The following PELI2 variants were observed in gnomAD, a reference collection of about 807,000 sequenced individuals.
PELI2 encodes the protein pellino E3 ubiquitin protein ligase family member 2.
Under a neutral mutation model 42.3 loss-of-function variants are expected in PELI2, and 23 were observed. The ratio of observed to expected loss-of-function variants is 0.54; its 90% CI spans 0.39 to 0.77. PELI2 has a LOEUF of 0.77. PELI2 is among the 30% of genes least tolerant of loss of function. The pLI is 0.00. For missense variants in PELI2, 463 were observed against 553.2 expected, an observed-to-expected ratio of 0.84 and a Z score of 1.64; for synonymous variants, 245 against 212.2, an observed-to-expected ratio of 1.15 and a Z score of -1.34.
chr14:56,237,418 A>G (rs1386832738), intron 2 of PELI2, among the ~76,000 whole-genome samples: 1 of 152,154 alleles, frequency 6.6e-6, no homozygotes, highest in Non-Finnish European at 1.5e-5. Context: ...CATTCTACTC[A>G]GACAACTCTA....
chr14:56,229,637 G>A (rs1401938467), intron 2 of PELI2, among the ~76,000 whole-genome samples: 1 of 152,162 alleles, frequency 6.6e-6, no homozygotes, highest in Non-Finnish European at 1.5e-5. Context: ...CAAAAAGATG[G>A]GGAGAAACCA....
intron 2 of PELI2, among the ~76,000 whole-genome samples, chr14:56,263,197 G>C (rs568572736): frequency 6.6e-6 from 1 of 152,230 alleles, no homozygotes; most frequent in South Asian, 2.1e-4. Context: ...CTGACCTCAG[G>C]TGATCCTCCC....
At chr14:56,158,524 T>G (rs1162201291) in intron 1 of PELI2, among the ~76,000 whole-genome samples, 1 of 151,676 alleles carries the variant, frequency 6.6e-6, no homozygotes, top group Non-Finnish European at 1.5e-5. Context: ...ATATTTTATT[T>G]ATTTACTTTT....
At chr14:56,155,009 TTGTTATATTTTTTCTG>T (rs1362376231) in intron 1 of PELI2, among the ~76,000 whole-genome samples, 2 of 152,226 alleles carry the variant, frequency 1.3e-5, no homozygotes, top group Non-Finnish European at 2.9e-5. Context: ...TTGTTAGCCA[TTGTTATATTTTTTCTG>T]TGGATTGTCT....
chr14:56,235,167 A>T (rs912439424), intron 2 of PELI2, among the ~76,000 whole-genome samples: 2 of 152,026 alleles, frequency 1.3e-5, no homozygotes, highest in African/African-American at 4.8e-5. Context: ...GGCAAAAACC[A>T]CAATTTCTTT....
At chr14:56,210,281 G>C (rs926343226) in intron 2 of PELI2, among the ~76,000 whole-genome samples, 1 of 152,162 alleles carries the variant, frequency 6.6e-6, no homozygotes, top group African/African-American at 2.4e-5. Flanking sequence ...AACTTGTGCT[G>C]TTAAGAATTA....
intron 1 of PELI2, among the ~76,000 whole-genome samples, chr14:56,126,992 A>T (rs1385589137): frequency 1.3e-5 from 2 of 152,182 alleles, no homozygotes; most frequent in Non-Finnish European, 2.9e-5. Flanking sequence ...CGGGTTGTTG[A>T]TCATTCTAGT....
chr14:56,285,552 G>C (rs943609448), intron 3 of PELI2, among the ~76,000 whole-genome samples: 9 of 152,130 alleles, frequency 5.9e-5, no homozygotes, highest in Non-Finnish European at 1.0e-4. Flanking sequence ...AAAAGGGAAG[G>C]GGGGACTATT....
intron 1 of PELI2, among the ~76,000 whole-genome samples, chr14:56,142,154 T>C (rs1883936108): frequency 6.6e-6 from 1 of 152,180 alleles, no homozygotes; most frequent in Non-Finnish European, 1.5e-5. Flanking sequence ...GCTCACCCTT[T>C]AAAGTTAAAA....
intron 2 of PELI2, among the ~76,000 whole-genome samples, chr14:56,250,872 G>C (rs964946401): frequency 6.6e-5 from 10 of 152,334 alleles, no homozygotes; most frequent in African/African-American, 2.4e-4. Context: ...GAAAGCCTGT[G>C]CAAGTGATTT....
At chr14:56,188,462 TACG>T (rs1885848522) in intron 2 of PELI2, among the ~76,000 whole-genome samples, 1 of 152,250 alleles carries the variant, frequency 6.6e-6, no homozygotes, top group African/African-American at 2.4e-5. Context: ...TCTCTTATGT[TACG>T]ACATTTCCCT....
At chr14:56,242,675 A>G (rs1039836451) in intron 2 of PELI2, among the ~76,000 whole-genome samples, 1 of 152,252 alleles carries the variant, frequency 6.6e-6, no homozygotes, top group Non-Finnish European at 1.5e-5. Flanking sequence ...CTCAGCCATA[A>G]AAAGGAACAA....
intron 5 of PELI2, chr14:56,292,806 A>G: frequency 3.1e-6 from 3 of 963,738 alleles, no homozygotes; most frequent in Non-Finnish European, 3.7e-6. Context: ...AACTCCCTGA[A>G]TAAATAGGTG....
chr14:56,186,275 T>C (rs963952879), intron 2 of PELI2, among the ~76,000 whole-genome samples: 3 of 152,144 alleles, frequency 2.0e-5, no homozygotes, highest in Non-Finnish European at 4.4e-5. Context: ...AAACAAGGGC[T>C]TCAGTCCTGT....
intron 2 of PELI2, among the ~76,000 whole-genome samples, chr14:56,255,900 G>A (rs1227050588): frequency 6.6e-6 from 1 of 152,186 alleles, no homozygotes; most frequent in African/African-American, 2.4e-5. Context: ...AACATGGCTA[G>A]TCCCTAGTTC....
chr14:56,249,986 A>G (rs1245616936), intron 2 of PELI2, among the ~76,000 whole-genome samples: 1 of 152,214 alleles, frequency 6.6e-6, no homozygotes, highest in Admixed American at 6.5e-5. Context: ...GAGCAAGATC[A>G]GTGCTCTCTC....
intron 1 of PELI2, among the ~76,000 whole-genome samples, chr14:56,150,197 G>A (rs749876288): frequency 1.3e-5 from 2 of 152,226 alleles, no homozygotes; most frequent in Non-Finnish European, 2.9e-5. Context: ...CAGCAAGCAC[G>A]GCGTAACTGT....
At chr14:56,122,395 C>T (rs1391214547) in intron 1 of PELI2, among the ~76,000 whole-genome samples, 2 of 152,124 alleles carry the variant, frequency 1.3e-5, no homozygotes, top group African/African-American at 4.8e-5. Flanking sequence ...AGCTGGGTGG[C>T]TGTACTCCCC....
chr14:56,141,651 A>G (rs1013840375), intron 1 of PELI2, among the ~76,000 whole-genome samples: 3 of 152,140 alleles, frequency 2.0e-5, no homozygotes, highest in Non-Finnish European at 4.4e-5. Context: ...GGTCAGCGGG[A>G]GAGAGAGTGA....
Sources: gnomAD v4.1 joint callset for allele counts (sites outside exome capture counted in the v4.1 genomes callset) on GRCh38, gnomAD v4.1.1 for gene constraint, MANE v1.5 for transcripts, NCBI Gene and HGNC (gene_info 2026-07-23, HGNC 2026-07-21) for gene names.